The following ADCY10 variants were observed in gnomAD, a reference collection of about 807,000 sequenced individuals.
ADCY10 encodes adenylate cyclase type 10.
Under a neutral mutation model 183.3 loss-of-function variants are expected in ADCY10, and 156 were observed. The observed-to-expected ratio is 0.85, with a 90% CI of 0.75 to 0.97. ADCY10 has a LOEUF of 0.97. Among genes scored for constraint, ADCY10 ranks in the 50% least tolerant of loss-of-function variants. ADCY10 has a pLI of 0.00. For synonymous variants in ADCY10, 645 were observed against 670.0 expected (o/e 0.96, Z 0.58); for missense variants, 1,745 against 1,934.3 (o/e 0.90, Z 1.84).
chr1:167,814,387 A>T (rs550694969), intron 31 of ADCY10, among the ~76,000 whole-genome samples: 1 of 152,006 alleles, frequency 6.6e-6, no homozygotes, highest in South Asian at 2.1e-4. Flanking sequence ...ATAATATATT[A>T]ATAAAAATTT....
Position 167,809,803 on chromosome 1 carries a change from G to C in ADCY10, c.4708C>G (p.Gln1570Glu). The C allele has an allele frequency of 1.9e-6, 3 of 1,614,066 alleles. No individual in the cohort carries two copies. Among genetic ancestry groups the C allele is most frequent in the Non-Finnish European group, 1.7e-6 (2 of 1,179,994 alleles). ...WYSTSELKED[Q>E]WLQTILSLPS... ...AGACTCAAGATCGTCTGAAGCCATT[G>C]GTCTTCTTTTAACTCAGAGGTTGAG... Residue 1570 changes from glutamine (Q) to glutamate (E), a missense_variant, in exon 33 of 33, where the codon CAA becomes GAA. By Grantham distance (29) the Gln-to-Glu change is conservative (BLOSUM62 2). Coordinates refer to ENST00000367851, the MANE Select transcript of ADCY10 (RefSeq NM_018417.6).
chr1:167,875,106 T>C (rs773770149), intron 13 of ADCY10, 25 bp downstream of exon 13: 2 of 1,607,634 alleles, frequency 1.2e-6, no homozygotes, highest in South Asian at 2.2e-5. Flanking sequence ...AATAAAGAAG[T>C]TTAAAATCAA....
chr1:167,852,321 G>T (rs1665558145), intron 18 of ADCY10, among the ~76,000 whole-genome samples: 2 of 152,126 alleles, frequency 1.3e-5, no homozygotes, highest in African/African-American at 2.4e-5. Flanking sequence ...GTGCATGCCT[G>T]TAATCCTTGC....
rs114927502 is a variant in ADCY10, at chr1:167,862,087, G to A, written c.1617-1024C>T. Among the ~76,000 whole-genome samples the A allele has an allele frequency of 6.5e-3, 992 of 152,296 alleles. 12 individuals carry two copies. Among genetic ancestry groups the A allele is most frequent in the African/African-American group, 0.023 (951 of 41,550 alleles). On this transcript the variant is annotated intron_variant, in intron 14 of 32. Coordinates refer to ENST00000367851, the MANE Select transcript of ADCY10 (RefSeq NM_018417.6). ...CTCAGGTAGTTCTTTATAGCAGCGTGAAAACGACTAACACATTATCTCTCT... is the reference window on the plus strand; with the variant it reads ...CTCAGGTAGTTCTTTATAGCAGCGTAAAAACGACTAACACATTATCTCTCT...
At chr1:167,875,958 G>GA (rs1467503297) in intron 12 of ADCY10, among the ~76,000 whole-genome samples, 3 of 150,572 alleles carry the variant, frequency 2.0e-5, no homozygotes, top group African/African-American at 4.9e-5. Context: ...ATCTCAAAAA[G>GA]AAAAAAAAGG....
chr1:167,902,574 C>A (rs2102427401), intron 3 of ADCY10, among the ~76,000 whole-genome samples: 1 of 152,338 alleles, frequency 6.6e-6, no homozygotes, highest in East Asian at 1.9e-4. Context: ...TTTAGTTACG[C>A]ATCATCATGG....
chr1:167,863,345 C>G (rs2102068321), intron 14 of ADCY10, among the ~76,000 whole-genome samples: 1 of 152,282 alleles, frequency 6.6e-6, no homozygotes, highest in East Asian at 1.9e-4. Context: ...TTCACTGTGA[C>G]CACCGGTGCT....
chr1:167,842,449 C>G (rs1282796721), intron 21 of ADCY10, among the ~76,000 whole-genome samples: 2 of 152,132 alleles, frequency 1.3e-5, no homozygotes, highest in Non-Finnish European at 2.9e-5. Flanking sequence ...GCGTGAGCCA[C>G]CACACTTGGT....
intron 2 of ADCY10, chr1:167,904,654 G>A (rs1196365514): frequency 1.7e-6 from 1 of 585,676 alleles, no homozygotes; most frequent in Non-Finnish European, 3.0e-6. Flanking sequence ...CATCATCTAG[G>A]GAGATCATTT....
intron 1 of ADCY10, among the ~76,000 whole-genome samples, chr1:167,906,327 A>T (rs1338586951): frequency 6.6e-6 from 1 of 152,128 alleles, no homozygotes; most frequent in African/African-American, 2.4e-5. Context: ...CTCAAATGTT[A>T]AGAAGTGAAC....
chr1:167,854,277 T>C (rs879245529), intron 18 of ADCY10, 76 bp downstream of exon 18: 6 of 1,597,346 alleles, frequency 3.8e-6, no homozygotes, highest in Non-Finnish European at 4.3e-6. Context: ...GAATAGCTCA[T>C]TTTTGCTACC....
Position 167,887,755 on chromosome 1 carries a change from T to A in ADCY10, c.829-4127A>T, listed in dbSNP as rs185770559. ...TAAAAAAACTCATCAATGAAACTAA[T>A]TTTTTATCTGATAAAATAATTCTAA... On this transcript the variant is annotated intron_variant, in intron 8 of 32. Transcript: ENST00000367851. 2.0e-3 allele frequency among the ~76,000 whole-genome samples: 311 copies of A among 151,746 alleles called. 1 individual carries two copies. The highest frequency in any genetic ancestry group is 7.3e-3 in the African/African-American group (302 of 41,460).
In ADCY10 at chr1:167,856,247, T is replaced by A. The variant is rs2071921; in HGVS notation, c.2089A>T (p.Ile697Phe). 1.2e-6 allele frequency: 2 copies of A among 1,613,546 alleles called. No homozygotes were observed. Among genetic ancestry groups the A allele is most frequent in the African/African-American group, 1.3e-5 (1 of 74,888 alleles). The change falls in exon 17 of 33, where the codon ATT becomes TTT. Residue 697 changes from isoleucine (I) to phenylalanine (F), a missense_variant. Transcript: ENST00000367851. Reference sequence around the variant, plus strand: ...ATGTCGTTAGGCTGTACTGCACCAATGACAATGTAGGTGGTGTTCCTGTTC... The same window carrying A: ...ATGTCGTTAGGCTGTACTGCACCAAAGACAATGTAGGTGGTGTTCCTGTTC... The part of the protein sequence containing the change: ...IKNRNTTYIV[I>F]GAVQPNDISN...
Position 167,879,717 on chromosome 1 carries a change from A to G in ADCY10, c.1216+398T>C, listed in dbSNP as rs1667741777. Among the ~76,000 whole-genome samples the G allele has an allele frequency of 2.0e-5, 3 of 152,234 alleles. No homozygotes were observed. The South Asian group carries it at 6.2e-4, about 31-fold the overall frequency. ...AGTAATAGAGTTGTGAAATCTGGAGATAAGATTTACTTATTACTACTCTCT... is the reference window on the plus strand; with the variant it reads ...AGTAATAGAGTTGTGAAATCTGGAGGTAAGATTTACTTATTACTACTCTCT... On this transcript the variant is annotated intron_variant, in intron 11 of 32. Transcript: ENST00000367851.
chr1:167,907,123 C>T lies in ADCY10; in HGVS notation c.-58-1925G>A, dbSNP rs76872257. Among the ~76,000 whole-genome samples, 687 of 152,246 alleles carry T rather than the reference C, an allele frequency of 4.5e-3. 8 individuals are homozygous for T. In the East Asian group the frequency reaches 0.057, roughly 13 times the overall value. On this transcript the variant is annotated intron_variant, in intron 1 of 32. Transcript: ENST00000367851. ...CCCAGACAACATATATCTACAGATACTGAAAGAACTGACAGGTGTAATGTC... is the reference window on the plus strand; with the variant it reads ...CCCAGACAACATATATCTACAGATATTGAAAGAACTGACAGGTGTAATGTC...
chr1:167,897,557 ATGCAGAAGAGAT>A (rs1326024262), intron 6 of ADCY10, among the ~76,000 whole-genome samples: 8 of 20 alleles, frequency 0.4, no homozygotes, highest in African/African-American at 0.5. Context: ...GTTGTTGGAG[ATGCAGAAGAGAT>A]GAGAGAAAGC....
intron 3 of ADCY10, among the ~76,000 whole-genome samples, chr1:167,902,396 T>C (rs917140680): frequency 3.9e-5 from 6 of 152,230 alleles, no homozygotes; most frequent in East Asian, 1.9e-4. Context: ...ATATATGTTA[T>C]AGGCTGGGGC....
At position 167,834,104 on chromosome 1, in the gene ADCY10, G is replaced by T. The variant is rs777471053; in HGVS notation, c.3310-27C>A. On this transcript the variant is annotated intron_variant, in intron 23 of 32. Transcript: ENST00000367851. ...TGTAACCAGCCCAAGGAGTAGAAAAGTGTTGATTCAGCAGGGATTGAGCCC... is the reference window on the plus strand; with the variant it reads ...TGTAACCAGCCCAAGGAGTAGAAAATTGTTGATTCAGCAGGGATTGAGCCC... 6.4e-6 allele frequency: 10 copies of T among 1,569,206 alleles called. 1 individual carries two copies. The highest frequency in any genetic ancestry group is 8.8e-6 in the Non-Finnish European group (10 of 1,139,466).
chr1:167,881,721 C>G (rs1403678746), intron 9 of ADCY10, among the ~76,000 whole-genome samples: 2 of 152,212 alleles, frequency 1.3e-5, no homozygotes, highest in Admixed American at 1.3e-4. Context: ...TATCCCCATT[C>G]AAAGAGGAAT....
Sources: gnomAD v4.1 joint callset for allele counts (sites outside exome capture counted in the v4.1 genomes callset) on GRCh38, gnomAD v4.1.1 for gene constraint, MANE v1.5 for transcripts, NCBI Gene and HGNC (gene_info 2026-07-23, HGNC 2026-07-21) for gene names.